Variants in PKIB observed in about 807,000 individuals in gnomAD.
PKIB encodes the protein PKI-beta.
PKIB carries 2 observed loss-of-function variants against 4.5 expected under a neutral mutation model. That is an observed-to-expected ratio of 0.44 (90% CI 0.18 to 1.39). The LOEUF (loss-of-function observed/expected upper bound fraction) is 1.39. PKIB is among the 40% of genes most tolerant of loss of function. PKIB has a pLI of 0.27. For missense variants in PKIB, 94 were observed against 92.6 expected, an observed-to-expected ratio of 1.02 and a Z score of -0.06; for synonymous variants, 38 against 36.0, an observed-to-expected ratio of 1.06 and a Z score of -0.20.
intron 2 of PKIB, among the ~76,000 whole-genome samples, chr6:122,634,069 T>C (rs900605357): frequency 1.3e-5 from 2 of 152,116 alleles, no homozygotes; most frequent in Admixed American, 6.6e-5. Context: ...TGCAGTCTTA[T>C]TAGTATTTCA....
intron 2 of PKIB, among the ~76,000 whole-genome samples, chr6:122,554,680 A>G (rs1471362824): frequency 6.6e-6 from 1 of 152,200 alleles, no homozygotes; most frequent in Non-Finnish European, 1.5e-5. Flanking sequence ...TTCAGGGGTA[A>G]GTATATAACC....
intron 2 of PKIB, among the ~76,000 whole-genome samples, chr6:122,653,890 G>A (rs747712348): frequency 2.0e-5 from 3 of 152,098 alleles, no homozygotes; most frequent in Non-Finnish European, 4.4e-5. Flanking sequence ...CCTGAGAGGC[G>A]GAGGTTGCAG....
chr6:122,685,535 A>T (rs1778060329), intron 3 of PKIB, among the ~76,000 whole-genome samples: 1 of 151,990 alleles, frequency 6.6e-6, no homozygotes, highest in Non-Finnish European at 1.5e-5. Context: ...TTTATTTTTA[A>T]TTTTTGTGGG....
At chr6:122,638,070 C>T (rs1430814) in intron 2 of PKIB, among the ~76,000 whole-genome samples, 1 of 152,188 alleles carries the variant, frequency 6.6e-6, no homozygotes, top group Non-Finnish European at 1.5e-5. Flanking sequence ...AGTAGATAAT[C>T]GCAGAGGAGT....
intron 3 of PKIB, among the ~76,000 whole-genome samples, chr6:122,707,185 C>T (rs1477653120): frequency 6.6e-6 from 1 of 151,766 alleles, no homozygotes; most frequent in East Asian, 1.9e-4. Flanking sequence ...AAGTTGTTTG[C>T]CCTTTGGTTG....
intron 3 of PKIB, among the ~76,000 whole-genome samples, chr6:122,697,063 G>A (rs1343305314): frequency 6.6e-6 from 1 of 152,186 alleles, no homozygotes; most frequent in Non-Finnish European, 1.5e-5. Context: ...GGCCACACAG[G>A]AGTTGCACTC....
At chr6:122,714,034 G>GC (rs1240488868) in intron 3 of PKIB, among the ~76,000 whole-genome samples, 2 of 151,988 alleles carry the variant, frequency 1.3e-5, no homozygotes, top group Non-Finnish European at 2.9e-5. Context: ...TTCTTGTTGG[G>GC]CTTTCAGGTT....
intron 2 of PKIB, among the ~76,000 whole-genome samples, chr6:122,509,139 T>G (rs1430405980): frequency 6.6e-6 from 1 of 152,164 alleles, no homozygotes; most frequent in Non-Finnish European, 1.5e-5. Context: ...CATGGTCCCA[T>G]ATATGTCGCT....
At chr6:122,489,247 T>C (rs1775870060) in intron 2 of PKIB, among the ~76,000 whole-genome samples, 1 of 150,782 alleles carries the variant, frequency 6.6e-6, no homozygotes, top group Non-Finnish European at 1.5e-5. Flanking sequence ...ATTATTATTA[T>C]TGTTATTATT....
chr6:122,659,373 A>C (rs1776897830), intron 2 of PKIB, among the ~76,000 whole-genome samples: 1 of 152,324 alleles, frequency 6.6e-6, no homozygotes. Flanking sequence ...CTCAGAGATT[A>C]TGCAAAATTT....
chr6:122,703,293 C>A (rs1343498311), intron 3 of PKIB, among the ~76,000 whole-genome samples: 1 of 151,804 alleles, frequency 6.6e-6, no homozygotes, highest in African/African-American at 2.4e-5. Context: ...TTTTTTATTT[C>A]TTTTAAACTT....
intron 2 of PKIB, among the ~76,000 whole-genome samples, chr6:122,580,989 A>T (rs1253519009): frequency 6.6e-6 from 1 of 152,158 alleles, no homozygotes; most frequent in Non-Finnish European, 1.5e-5. Flanking sequence ...ATTCTGTATT[A>T]CAGACTGTAG....
chr6:122,626,045 G>A (rs1448313820), intron 1 of PKIB, among the ~76,000 whole-genome samples: 2 of 151,528 alleles, frequency 1.3e-5, no homozygotes, highest in Non-Finnish European at 2.9e-5. Flanking sequence ...CTTCAGCCTG[G>A]GTGACAGAGA....
intron 3 of PKIB, among the ~76,000 whole-genome samples, chr6:122,590,736 T>G (rs527610786): frequency 6.6e-6 from 1 of 152,270 alleles, no homozygotes; most frequent in East Asian, 1.9e-4. Flanking sequence ...GATATTTCTC[T>G]TGGTCTAGCA....
At chr6:122,521,463 G>A (rs1776944661) in intron 2 of PKIB, among the ~76,000 whole-genome samples, 5 of 151,968 alleles carry the variant, frequency 3.3e-5, no homozygotes, top group Admixed American at 3.3e-4. Context: ...GGCAGATCAC[G>A]AGGTCAGGAG....
intron 3 of PKIB, among the ~76,000 whole-genome samples, chr6:122,703,777 C>T (rs1778927750): frequency 6.6e-6 from 1 of 150,402 alleles, no homozygotes; most frequent in African/African-American, 2.4e-5. Context: ...TATACATACA[C>T]ACACATATAT....
intron 2 of PKIB, chr6:122,479,531 A>G (rs1775544298): frequency 1.3e-5 from 2 of 152,224 alleles, no homozygotes; most frequent in Non-Finnish European, 2.9e-5. Context: ...CAGAAATGAG[A>G]GTACAATGCA....
chr6:122,488,152 A>G (rs1208147696), intron 2 of PKIB, among the ~76,000 whole-genome samples: 1 of 151,832 alleles, frequency 6.6e-6, no homozygotes, highest in African/African-American at 2.4e-5. Context: ...TCATTTCATC[A>G]TTCTTTCTAC....
At chr6:122,583,508 C>A (rs796320203) in intron 2 of PKIB, among the ~76,000 whole-genome samples, 4 of 152,186 alleles carry the variant, frequency 2.6e-5, no homozygotes, top group African/African-American at 9.6e-5. Context: ...TAGGATTCTT[C>A]TTTGCTTTCC....
Sources: allele counts gnomAD v4.1 joint callset (sites outside exome capture counted in the v4.1 genomes callset), GRCh38; gene constraint gnomAD v4.1.1; transcripts MANE v1.5; gene names NCBI Gene and HGNC (gene_info 2026-07-23, HGNC 2026-07-21).